PHF14: variants seen among roughly 807,000 people sequenced by gnomAD.
PHF14 encodes PHD finger protein 14.
In PHF14, 55 loss-of-function variants were observed where a neutral mutation model predicts 117.9. The ratio of observed to expected loss-of-function variants is 0.47; its 90% CI spans 0.38 to 0.58. PHF14 has a LOEUF of 0.58. PHF14 is among the 20% of genes least tolerant of loss of function. The pLI is 0.00. For synonymous variants in PHF14, 409 were observed against 368.6 expected (o/e 1.11, Z -1.26); for missense variants, 978 against 1,122.2 (o/e 0.87, Z 1.84).
At chr7:11,102,652 G>T in intron 16 of PHF14, 1 of 1,490,160 alleles carries the variant, frequency 6.7e-7, no homozygotes. Context: ...ACTGCAAAAA[G>T]TTGCCTTTTG....
rs1485006622 is a variant in PHF14 at position 11,071,412 on chromosome 7, C to T, written c.2654+9327C>T. Reference sequence around the variant, plus strand: ...TATCTTAGAATGGAAGCCAGTTTTCCAGTTGCATTTTCTCTCATTTACCTA... The same window carrying T: ...TATCTTAGAATGGAAGCCAGTTTTCTAGTTGCATTTTCTCTCATTTACCTA... On this transcript the variant is annotated intron_variant, in intron 16 of 17. Coordinates refer to ENST00000634607, the MANE Select transcript of PHF14 (RefSeq NM_001007157.2). The T allele has an allele frequency of 1.6e-5, 6 of 365,982 alleles. No homozygotes were observed. In the East Asian group the frequency reaches 2.5e-4, roughly 15 times the overall value. The allele number at this position is 365,982 out of a possible 1,614,324, so 22.7% of individuals were successfully genotyped here.
At chr7:11,041,650 A>C (rs931767024) in intron 12 of PHF14, among the ~76,000 whole-genome samples, 5 of 151,924 alleles carry the variant, frequency 3.3e-5, no homozygotes. Flanking sequence ...GGAAAAGCCT[A>C]CATTGTCTTA....
chr7:11,054,799 G>A (rs1784961113), intron 14 of PHF14, among the ~76,000 whole-genome samples: 1 of 151,852 alleles, frequency 6.6e-6, no homozygotes, highest in South Asian at 2.1e-4. Context: ...TTCAGCACAG[G>A]TATTACAATT....
intron 4 of PHF14, 82 bp downstream of exon 4, chr7:10,990,929 T>C: frequency 1.1e-6 from 1 of 898,968 alleles, no homozygotes; most frequent in Non-Finnish European, 1.7e-6. Context: ...TTCTACAATA[T>C]TTCATGGTGT....
chr7:11,089,432 T>C (rs1376469939), intron 16 of PHF14, among the ~76,000 whole-genome samples: 2 of 152,156 alleles, frequency 1.3e-5, no homozygotes, highest in African/African-American at 4.8e-5. Context: ...GGCTCATACC[T>C]GTAATCCCAG....
At chr7:11,094,254 T>C (rs1448723946) in intron 16 of PHF14, among the ~76,000 whole-genome samples, 1 of 152,198 alleles carries the variant, frequency 6.6e-6, no homozygotes, top group African/African-American at 2.4e-5. Context: ...ATATAAAATT[T>C]TTTCATAATT....
chr7:11,068,813 T>C (rs776894361), intron 16 of PHF14, among the ~76,000 whole-genome samples: 3 of 152,142 alleles, frequency 2.0e-5, no homozygotes, highest in Non-Finnish European at 4.4e-5. Flanking sequence ...AGGGGGACAT[T>C]AACATTTTAA....
At chr7:11,002,244 A>G (rs1782902703) in intron 4 of PHF14, among the ~76,000 whole-genome samples, 1 of 152,010 alleles carries the variant, frequency 6.6e-6, no homozygotes, top group Non-Finnish European at 1.5e-5. Context: ...TTTGAGAGAC[A>G]TTGGTTTAGA....
intron 4 of PHF14, among the ~76,000 whole-genome samples, chr7:11,006,165 A>G (rs572297770): frequency 3.9e-5 from 6 of 152,332 alleles, no homozygotes; most frequent in African/African-American, 7.2e-5. Flanking sequence ...ATTACCAACA[A>G]TGCACAAACT....
chr7:11,112,667 A>T (rs1438815066), intron 17 of PHF14, among the ~76,000 whole-genome samples: 1 of 152,114 alleles, frequency 6.6e-6, no homozygotes, highest in East Asian at 1.9e-4. Context: ...GCTACTTGGG[A>T]GGCTGAGGCA....
chr7:11,080,642 A>G (rs1484136815), intron 16 of PHF14, among the ~76,000 whole-genome samples: 1 of 152,132 alleles, frequency 6.6e-6, no homozygotes, highest in Non-Finnish European at 1.5e-5. Flanking sequence ...CTTTGTCTTC[A>G]TTTTATCTTA....
chr7:11,078,260 A>G (rs1012846909), intron 16 of PHF14, among the ~76,000 whole-genome samples: 1 of 152,148 alleles, frequency 6.6e-6, no homozygotes. Context: ...GAAAACCAGG[A>G]TGATTATCCT....
intron 4 of PHF14, chr7:11,006,965 A>G (rs559675991): frequency 7.4e-4 from 311 of 421,492 alleles, no homozygotes; most frequent in South Asian, 5.4e-3. Context: ...ACCTGAAGTC[A>G]GGAGTTTGAT....
At chr7:11,003,891 T>A (rs1782971544) in intron 4 of PHF14, among the ~76,000 whole-genome samples, 2 of 152,228 alleles carry the variant, frequency 1.3e-5, no homozygotes, top group Admixed American at 6.5e-5. Flanking sequence ...AGGGGTTTTT[T>A]AACTTTATTT....
intron 16 of PHF14, chr7:11,106,758 G>A (rs1329410169): frequency 1.0e-6 from 1 of 983,752 alleles, no homozygotes; most frequent in Non-Finnish European, 1.2e-6. Flanking sequence ...TTCTTGTGAT[G>A]GAATTTTTAC....
At chr7:11,006,335 TC>T in intron 4 of PHF14, 1 of 428,242 alleles carries the variant, frequency 2.3e-6, no homozygotes, top group Non-Finnish European at 4.5e-6. Context: ...CTTAGTCATT[TC>T]TTTTCTTTTT....
At chr7:11,025,820 G>C (rs1015301859) in intron 6 of PHF14, among the ~76,000 whole-genome samples, 3 of 150,450 alleles carry the variant, frequency 2.0e-5, no homozygotes, top group Non-Finnish European at 3.0e-5. Context: ...GAAAAAGAAA[G>C]AAATTGCCAG....
At chr7:11,051,811 A>T (rs1398353320) in intron 14 of PHF14, 31 bp downstream of exon 14, 3 of 1,596,092 alleles carry the variant, frequency 1.9e-6, no homozygotes, top group Non-Finnish European at 2.6e-6. Flanking sequence ...CATAAGCATC[A>T]TACAATTCTG....
chr7:11,074,286 C>G (rs1415235148), intron 16 of PHF14, among the ~76,000 whole-genome samples: 1 of 151,640 alleles, frequency 6.6e-6, no homozygotes, highest in East Asian at 1.9e-4. Flanking sequence ...TCTCAGCTCA[C>G]TGCAAGTTCT....
Sources: gnomAD v4.1 joint callset for allele counts (sites outside exome capture counted in the v4.1 genomes callset) on GRCh38, gnomAD v4.1.1 for gene constraint, MANE v1.5 for transcripts, NCBI Gene and HGNC (gene_info 2026-07-23, HGNC 2026-07-21) for gene names.